The following AHCTF1 variants were observed in gnomAD, a reference collection of about 807,000 sequenced individuals.
The protein encoded by AHCTF1 is protein ELYS.
Under a neutral mutation model 248.4 loss-of-function variants are expected in AHCTF1, and 24 were observed. That is an observed-to-expected ratio of 0.10 (90% CI 0.07 to 0.14). AHCTF1 has a LOEUF of 0.14. AHCTF1 is among the 10% of genes least tolerant of loss of function. The pLI, the probability that AHCTF1 is intolerant of heterozygous loss-of-function variation, is 1.00. For synonymous variants in AHCTF1, 786 were observed against 929.8 expected (o/e 0.85, Z 2.81); for missense variants, 2,206 against 2,636.2 (o/e 0.84, Z 3.57).
At chr1:246,901,667 A>G (rs1402049668) in intron 8 of AHCTF1, among the ~76,000 whole-genome samples, 2 of 152,054 alleles carry the variant, frequency 1.3e-5, no homozygotes, top group Non-Finnish European at 2.9e-5. Flanking sequence ...AAAATACAAA[A>G]ATTAGCCAGG....
At chr1:246,891,553 T>A (rs1235071641) in intron 15 of AHCTF1, among the ~76,000 whole-genome samples, 1 of 152,194 alleles carries the variant, frequency 6.6e-6, no homozygotes, top group Non-Finnish European at 1.5e-5. Flanking sequence ...TTAATAATCA[T>A]TAACTTCAGA....
intron 11 of AHCTF1, among the ~76,000 whole-genome samples, chr1:246,898,554 T>G (rs1337946032): frequency 6.6e-6 from 1 of 152,092 alleles, no homozygotes; most frequent in African/African-American, 2.4e-5. Flanking sequence ...GTAGCTTATA[T>G]ATTTTTATGA....
intron 35 of AHCTF1, among the ~76,000 whole-genome samples, chr1:246,841,300 G>C (rs1283562660): frequency 1.3e-5 from 2 of 152,122 alleles, no homozygotes; most frequent in Non-Finnish European, 2.9e-5. Flanking sequence ...TGGATTACAA[G>C]GACGGGCCGA....
chr1:246,916,922 T>G (rs1666189586), intron 2 of AHCTF1, among the ~76,000 whole-genome samples: 1 of 152,180 alleles, frequency 6.6e-6, no homozygotes. Context: ...ATTCTATCCC[T>G]AAAGAGTTCA....
rs548729151 is a variant in AHCTF1, at chr1:246,868,573, C to G, written c.3089-762G>C. ...TGGCCTACATTTTGTTTCATTATAG[C>G]TATGCTGGATTTAGGAAGTTGGGCT... On this transcript the variant is annotated intron_variant, in intron 24 of 35. Transcript: ENST00000648844. 3.4e-5 allele frequency among the ~76,000 whole-genome samples: 5 copies of G among 146,422 alleles called. No individual in the cohort carries two copies. In the East Asian group the frequency reaches 6.1e-4, roughly 18 times the overall value.
intron 7 of AHCTF1, 53 bp downstream of exon 7, chr1:246,903,896 A>G: frequency 7.5e-7 from 1 of 1,341,256 alleles, no homozygotes; most frequent in Non-Finnish European, 1.1e-6. Flanking sequence ...AACATATTTA[A>G]AATAGAAAAC....
intron 1 of AHCTF1, among the ~76,000 whole-genome samples, chr1:246,922,791 G>A (rs546583730): frequency 2.0e-5 from 3 of 150,582 alleles, no homozygotes; most frequent in East Asian, 2.0e-4. Flanking sequence ...GACCATCCTG[G>A]ATAACACGGT....
intron 33 of AHCTF1, among the ~76,000 whole-genome samples, chr1:246,846,448 T>G (rs1281190410): frequency 6.6e-6 from 1 of 152,052 alleles, no homozygotes; most frequent in East Asian, 1.9e-4. Flanking sequence ...AGGTATGCAC[T>G]ACCACATTCA....
intron 24 of AHCTF1, among the ~76,000 whole-genome samples, chr1:246,868,967 GCTGA>G (rs1662290468): frequency 6.7e-6 from 1 of 149,720 alleles, no homozygotes; most frequent in Admixed American, 6.7e-5. Context: ...GCCTCAGCCT[GCTGA>G]GTAGCTGGGA....
At chr1:246,860,193 G>T (rs943576834) in intron 29 of AHCTF1, among the ~76,000 whole-genome samples, 10 of 151,848 alleles carry the variant, frequency 6.6e-5, no homozygotes, top group East Asian at 1.9e-4. Flanking sequence ...CTGGTTGGGG[G>T]GGGGGCGGAG....
In AHCTF1 at chr1:246,892,301, C is replaced by CTTTTTTTT. The variant is rs74163502; in HGVS notation, c.1805-390_1805-383dup. On this transcript the variant is annotated intron_variant, in intron 14 of 35. Coordinates refer to ENST00000648844, the MANE Select transcript of AHCTF1 (RefSeq NM_001323342.2). ...TTAAATCAAATTCTAATTTGTTTTA[C>CTTTTTTTT]TTTTTTTTTTTTTTTTTTTTTTTTT... 2.5e-4 allele frequency among the ~76,000 whole-genome samples: 16 copies of CTTTTTTTT among 64,974 alleles called. 1 individual carries two copies. Among genetic ancestry groups the CTTTTTTTT allele is most frequent in the African/African-American group, 3.8e-4 (6 of 15,936 alleles). 42.6% of individuals were successfully genotyped at this position (64,974 alleles called of 152,430 possible). A position where few individuals can be genotyped will look rare whatever the true frequency, so the allele number is the denominator to read the frequency against.
At chr1:246,880,012 GT>G (rs1051825921) in intron 21 of AHCTF1, among the ~76,000 whole-genome samples, 1 of 152,096 alleles carries the variant, frequency 6.6e-6, no homozygotes. Context: ...ACGGTATGCT[GT>G]TTTTATTTGT....
chr1:246,862,871 T>C (rs1661676144), intron 27 of AHCTF1, among the ~76,000 whole-genome samples: 1 of 152,222 alleles, frequency 6.6e-6, no homozygotes, highest in Non-Finnish European at 1.5e-5. Flanking sequence ...TTTCGTATAA[T>C]GAATACAAAT....
In AHCTF1 at chr1:246,903,665, C is replaced by T. The variant is rs1018074712; in HGVS notation, c.966+284G>A. On this transcript the variant is annotated intron_variant, in intron 7 of 35. Coordinates refer to ENST00000648844, the MANE Select transcript of AHCTF1 (RefSeq NM_001323342.2). ...CAAGATGGTGAGACCCCCCCCCCTC[C>T]GTCTCTGCTAAATATACAAAAAAAT... Among the ~76,000 whole-genome samples the T allele has an allele frequency of 4.3e-4, 60 of 139,274 alleles. 1 individual carries two copies. In the East Asian group the frequency reaches 0.011, roughly 26 times the overall value. The allele number at this position is 139,274 out of a possible 152,430, so 91.4% of individuals were successfully genotyped here.
intron 1 of AHCTF1, among the ~76,000 whole-genome samples, 164 bp from the exon 2 acceptor site, chr1:246,918,541 A>G (rs1249477842): frequency 6.6e-6 from 1 of 152,274 alleles, no homozygotes; most frequent in Non-Finnish European, 1.5e-5. Context: ...CACGCCTTTA[A>G]GTCCCAGCTA....
chr1:246,872,045 TA>T (rs1251579212), intron 24 of AHCTF1, among the ~76,000 whole-genome samples: 1 of 99,004 alleles, frequency 1.0e-5, no homozygotes, highest in Non-Finnish European at 1.8e-5. Context: ...GATGAACTAT[TA>T]ATGACAAAAA....
At position 246,876,130 on chromosome 1, in the gene AHCTF1, G is replaced by T; in HGVS notation, c.2995C>A (p.Gln999Lys). ...ACTCTAGGAAGGATTTTTCCATACT[G>T]GTCTAATATAGAATTTCGAGCCAGT... ...RSLARNSILD[Q>K]YGKILPRVHR... The change falls in exon 24 of 36, where the codon CAG becomes AAG. Residue 999 changes from glutamine (Q) to lysine (K), a missense_variant. By Grantham distance (53) the Gln-to-Lys change is moderately conservative. Around this residue, in one of 6 missense-constraint regions of AHCTF1, gnomAD observed 955 missense variants for 1,055.6 expected, o/e 0.90. Transcript: ENST00000648844. 1 of 1,607,378 alleles carries T rather than the reference G, an allele frequency of 6.2e-7. No individual in the cohort carries two copies. The highest frequency in any genetic ancestry group is 8.5e-7 in the Non-Finnish European group (1 of 1,176,828).
At chr1:246,869,342 A>G (rs1341467845) in intron 24 of AHCTF1, among the ~76,000 whole-genome samples, 1 of 152,198 alleles carries the variant, frequency 6.6e-6, no homozygotes, top group East Asian at 1.9e-4. Flanking sequence ...CAAAGACCTC[A>G]AGTGTTCATG....
At chr1:246,877,105 A>G (rs1335805605) in intron 22 of AHCTF1, 24 bp from the exon 23 acceptor site, 1 of 1,612,262 alleles carries the variant, frequency 6.2e-7, no homozygotes, top group Non-Finnish European at 8.5e-7. Flanking sequence ...AATAGATTGT[A>G]AACTACCAAT....
Sources: allele counts gnomAD v4.1 joint callset (sites outside exome capture counted in the v4.1 genomes callset), GRCh38; gene constraint gnomAD v4.1.1; regional missense constraint gnomAD v4.1.1; transcripts MANE v1.5; gene names NCBI Gene and HGNC (gene_info 2026-07-23, HGNC 2026-07-21).